Variants in GPATCH1 observed in about 807,000 individuals in gnomAD.
GPATCH1 encodes G-patch domain containing 1.
Under a neutral mutation model 114.9 loss-of-function variants are expected in GPATCH1, and 73 were observed. That is an observed-to-expected ratio of 0.64 (90% confidence interval 0.53 to 0.77). The LOEUF (loss-of-function observed/expected upper bound fraction) is 0.77, where lower values mean the gene tolerates loss of function less well. Among genes scored for constraint, GPATCH1 ranks in the 30% least tolerant of loss-of-function variants. GPATCH1 has a pLI of 0.00. For synonymous variants in GPATCH1, 391 were observed against 428.4 expected, an observed-to-expected ratio of 0.91 and a Z score of 1.08; for missense variants, 1,058 against 1,144.3, an observed-to-expected ratio of 0.92 and a Z score of 1.09.
At position 33,095,223 on chromosome 19, in the gene GPATCH1, T is replaced by C. The variant is rs145411237; in HGVS notation, c.554-539T>C. 9.4e-3 allele frequency among the ~76,000 whole-genome samples: 1,433 copies of C among 151,786 alleles called. 17 individuals are homozygous for C. The highest frequency in any genetic ancestry group is 0.013 in the Non-Finnish European group (875 of 67,964). The stretch of plus-strand genomic sequence containing the variant: ...GTAATGCTGTAGCACATTTTATAAA[T>C]GTACCCATGTACCTCTGAAGAGTTA... On this transcript the variant is annotated intron_variant, in intron 5 of 19. Transcript: ENST00000170564.
chr19:33,095,704 G>T (rs1286677629), intron 5 of GPATCH1, 58 bp from the exon 6 acceptor site: 8 of 1,217,088 alleles, frequency 6.6e-6, no homozygotes, highest in African/African-American at 1.5e-5. Flanking sequence ...GCCCGGCCTG[G>T]TCGGGGTTTT....
chr19:33,104,602 G>A (rs1342135078), intron 9 of GPATCH1, among the ~76,000 whole-genome samples: 1 of 152,126 alleles, frequency 6.6e-6, no homozygotes, highest in African/African-American at 2.4e-5. Flanking sequence ...ACAACCACCT[G>A]GGGAGCTTGG....
chr19:33,109,648 G>A, intron 10 of GPATCH1, 69 bp from the exon 11 acceptor site: 1 of 975,864 alleles, frequency 1.0e-6, no homozygotes, highest in South Asian at 1.7e-5. Context: ...TGAAATGTAT[G>A]TACAGAGAAA....
At chr19:33,088,815 C>T (rs1269022985) in intron 2 of GPATCH1, among the ~76,000 whole-genome samples, 1 of 151,924 alleles carries the variant, frequency 6.6e-6, no homozygotes, top group Non-Finnish European at 1.5e-5. Context: ...TGCCACCATG[C>T]CCAGCTAATT....
chr19:33,118,036 C>A lies in GPATCH1; in HGVS notation c.2408C>A (p.Ala803Asp). The change falls in exon 16 of 20, where the codon GCT becomes GAT. Residue 803 changes from alanine to aspartate, a missense_variant. Ala to Asp is a moderately radical substitution (Grantham distance 126). Around this residue, in one of 3 missense-constraint regions of GPATCH1, gnomAD observed 893 missense variants for 977.4 expected, o/e 0.91. Coordinates refer to ENST00000170564, the MANE Select transcript of GPATCH1 (RefSeq NM_018025.3). Reference protein sequence around the residue: ...DTDLGETSSVAHALVPAPQEP... With the variant: ...DTDLGETSSVDHALVPAPQEP... ...GACTTGGGGGAAACATCATCTGTGG[C>A]TCACGGTATGTCAGTATTTCAGACT... The A allele has an allele frequency of 6.2e-7, 1 of 1,610,384 alleles. No homozygotes were observed. The highest frequency in any genetic ancestry group is 8.5e-7 in the Non-Finnish European group (1 of 1,176,802).
intron 1 of GPATCH1, among the ~76,000 whole-genome samples, chr19:33,085,196 T>G (rs986103347): frequency 5.3e-5 from 8 of 152,128 alleles, no homozygotes; most frequent in Non-Finnish European, 8.8e-5. Flanking sequence ...GCTGCTTGCA[T>G]GGCAAGGCCC....
intron 1 of GPATCH1, among the ~76,000 whole-genome samples, chr19:33,083,950 T>G (rs1486924373): frequency 6.6e-6 from 1 of 152,002 alleles, no homozygotes; most frequent in Non-Finnish European, 1.5e-5. Flanking sequence ...GCTGGGATTA[T>G]AGGTGCCCAC....
chr19:33,088,309 A>C, intron 2 of GPATCH1, 41 bp downstream of exon 2: 1 of 1,404,756 alleles, frequency 7.1e-7, no homozygotes, highest in Non-Finnish European at 9.8e-7. Context: ...CATTAAAGCA[A>C]ATGATCAAAA....
rs552198902 is a variant in GPATCH1 at position 33,084,076 on chromosome 19, C to T, written c.73+2810C>T. Among the ~76,000 whole-genome samples the T allele has an allele frequency of 4.6e-5, 7 of 152,038 alleles. No individual in the cohort carries two copies. In the South Asian group the frequency reaches 1.5e-3, roughly 32 times the overall value. On this transcript the variant is annotated intron_variant, in intron 1 of 19. Coordinates refer to ENST00000170564, the MANE Select transcript of GPATCH1 (RefSeq NM_018025.3). Reference sequence around the variant, plus strand: ...CTGCCTGCCTCGGCCTCCCAAAGTGCTGGGATTACAGGCGTGAGCCACCAT... The same window carrying T: ...CTGCCTGCCTCGGCCTCCCAAAGTGTTGGGATTACAGGCGTGAGCCACCAT...
chr19:33,121,688 A>G (rs1972987011), intron 17 of GPATCH1, among the ~76,000 whole-genome samples: 1 of 152,182 alleles, frequency 6.6e-6, no homozygotes, highest in South Asian at 2.1e-4. Context: ...AGTAAATACA[A>G]TCTATCCCCC....
chr19:33,121,096 C>CTAA (rs1442619829), intron 17 of GPATCH1, among the ~76,000 whole-genome samples: 1 of 151,012 alleles, frequency 6.6e-6, no homozygotes, highest in Non-Finnish European at 1.5e-5. Context: ...GTATTTAAGA[C>CTAA]TAATATATTT....
intron 1 of GPATCH1, among the ~76,000 whole-genome samples, chr19:33,085,072 C>A (rs944153432): frequency 2.6e-5 from 4 of 152,176 alleles, no homozygotes; most frequent in African/African-American, 7.2e-5. Context: ...ATGTTGCAGA[C>A]CTTCTCATTG....
rs1240775250 is a variant in GPATCH1, at chr19:33,114,266, A to T, written c.2043A>T (p.Pro681=). ...QHRGPDKSRK[P]SRWDTSKHEK... ...CCTGCCTTTCAGAATCAAGAAAACC[A>T]TCCAGATGGGATACCTCTAAACACG... The change falls in exon 15 of 20, where the codon CCA becomes CCT. Residue 681 remains proline (P), a synonymous_variant. Transcript: ENST00000170564. 1 of 1,610,766 alleles carries T rather than the reference A, an allele frequency of 6.2e-7. No homozygotes were observed.
At chr19:33,096,517 T>C (rs1972661763) in intron 7 of GPATCH1, 71 bp downstream of exon 7, 2 of 1,291,626 alleles carry the variant, frequency 1.5e-6, no homozygotes, top group Non-Finnish European at 2.1e-6. Flanking sequence ...TTTCTTCTTT[T>C]TAGAGGTTCT....
rs1175437367 is a variant in GPATCH1, at chr19:33,109,836, G to A, written c.1405G>A (p.Ala469Thr). ...CAAGGCCAGGAGTCTGGCCCAGAACGCTCAGAGCAGCAGAGCCCAGCTCTC... is the reference window on the plus strand; with the variant it reads ...CAAGGCCAGGAGTCTGGCCCAGAACACTCAGAGCAGCAGAGCCCAGCTCTC... ...QLKARSLAQN[A>T]QSSRAQLSPA... is the part of the protein sequence containing the mutation. Residue 469 changes from alanine to threonine, a missense_variant, in exon 11 of 20, where the codon GCT becomes ACT. Physicochemically the swap from Ala to Thr is moderately conservative, Grantham distance 58. Around this residue, in one of 3 missense-constraint regions of GPATCH1, gnomAD observed 893 missense variants for 977.4 expected, o/e 0.91. Coordinates refer to ENST00000170564, the MANE Select transcript of GPATCH1 (RefSeq NM_018025.3). 10 of 1,613,922 alleles carry A rather than the reference G, an allele frequency of 6.2e-6. No individual in the cohort carries two copies. The highest frequency in any genetic ancestry group is 3.3e-4 in the Middle Eastern group (2 of 6,082).
chr19:33,081,372 A>T, intron 1 of GPATCH1, 106 bp downstream of exon 1: 5 of 854,420 alleles, frequency 5.9e-6, no homozygotes, highest in Non-Finnish European at 5.5e-6. Flanking sequence ...GATCGTTCCC[A>T]GCGCTGGGAA....
At position 33,118,032 on chromosome 19, in the gene GPATCH1, G is replaced by C. The variant is rs1599864809; in HGVS notation, c.2404G>C (p.Val802Leu). 1.9e-6 allele frequency: 3 copies of C among 1,611,542 alleles called. No individual in the cohort carries two copies. Among genetic ancestry groups the C allele is most frequent in the Non-Finnish European group, 2.5e-6 (3 of 1,177,928 alleles). Reference protein sequence around the residue: ...QDTDLGETSSVAHALVPAPQE... With the variant: ...QDTDLGETSSLAHALVPAPQE... ...CACTGACTTGGGGGAAACATCATCT[G>C]TGGCTCACGGTATGTCAGTATTTCA... The change falls in exon 16 of 20, where the codon GTG (valine) becomes CTG (leucine). Residue 802 changes from valine to leucine, a missense_variant. By Grantham distance (32) the Val-to-Leu change is conservative. Coordinates refer to ENST00000170564, the MANE Select transcript of GPATCH1 (RefSeq NM_018025.3).
At chr19:33,103,437 A>G (rs1333347342) in intron 9 of GPATCH1, among the ~76,000 whole-genome samples, 1 of 152,208 alleles carries the variant, frequency 6.6e-6, no homozygotes, top group Non-Finnish European at 1.5e-5. Context: ...ACGGTGGCTC[A>G]CACCTATAAT....
chr19:33,115,968 G>A (rs1320339095), intron 15 of GPATCH1, among the ~76,000 whole-genome samples: 1 of 150,018 alleles, frequency 6.7e-6, no homozygotes, highest in Non-Finnish European at 1.5e-5. Context: ...CCCCTTCTCT[G>A]CCTTCTTTTG....
Sources: allele counts gnomAD v4.1 joint callset (sites outside exome capture counted in the v4.1 genomes callset), GRCh38; gene constraint gnomAD v4.1.1; regional missense constraint gnomAD v4.1.1; transcripts MANE v1.5; gene names NCBI Gene and HGNC (gene_info 2026-07-23, HGNC 2026-07-21).